The following IGSF21 variants were observed in gnomAD, a reference collection of about 807,000 sequenced individuals.
The protein encoded by IGSF21 is immunoglobin superfamily member 21.
IGSF21 carries 28 observed loss-of-function variants against 46.8 expected under a neutral mutation model. That is an observed-to-expected ratio of 0.60 (90% CI 0.44 to 0.82). IGSF21 has a LOEUF of 0.82. Ranked by LOEUF, IGSF21 falls within the 40% of genes least tolerant of loss-of-function variation. The pLI is 0.00. For synonymous variants in IGSF21, 284 were observed against 273.6 expected (o/e 1.04, Z -0.38); for missense variants, 624 against 665.5 (o/e 0.94, Z 0.69).
At chr1:18,122,354 C>A (rs2124408765) in intron 1 of IGSF21, among the ~76,000 whole-genome samples, 1 of 151,640 alleles carries the variant, frequency 6.6e-6, no homozygotes, top group African/African-American at 2.4e-5. Flanking sequence ...CCATACCCGG[C>A]TAATTTTTGT....
chr1:18,238,744 A>G (rs2084696595), intron 2 of IGSF21, among the ~76,000 whole-genome samples: 1 of 152,158 alleles, frequency 6.6e-6, no homozygotes, highest in African/African-American at 2.4e-5. Flanking sequence ...CGGCATATCT[A>G]AGGATAACAC....
At chr1:18,168,549 A>C (rs981560291) in intron 1 of IGSF21, among the ~76,000 whole-genome samples, 1 of 152,126 alleles carries the variant, frequency 6.6e-6, no homozygotes, top group Non-Finnish European at 1.5e-5. Context: ...TGATGTTACC[A>C]CTGCTAGATG....
intron 1 of IGSF21, among the ~76,000 whole-genome samples, chr1:18,215,188 G>C (rs1291348796): frequency 6.6e-6 from 1 of 152,208 alleles, no homozygotes; most frequent in African/African-American, 2.4e-5. Context: ...AGATTTGGGT[G>C]GGGACACAGA....
chr1:18,359,549 T>C (rs148405483), intron 4 of IGSF21, among the ~76,000 whole-genome samples: 9 of 151,560 alleles, frequency 5.9e-5, no homozygotes, highest in African/African-American at 1.2e-4. Context: ...GTTCTAGGTG[T>C]CTGATCTCTG....
intron 2 of IGSF21, among the ~76,000 whole-genome samples, chr1:18,273,458 C>T (rs1227703491): frequency 2.1e-5 from 1 of 47,486 alleles, no homozygotes; most frequent in African/African-American, 1.0e-4. Context: ...TTCTTTCTTT[C>T]TCTCTCTTTC....
At chr1:18,208,942 G>T (rs2084362506) in intron 1 of IGSF21, among the ~76,000 whole-genome samples, 1 of 152,124 alleles carries the variant, frequency 6.6e-6, no homozygotes, top group Non-Finnish European at 1.5e-5. Flanking sequence ...CAGGATTCCA[G>T]GTATGTGGGC....
intron 1 of IGSF21, among the ~76,000 whole-genome samples, chr1:18,173,054 C>T (rs368419519): frequency 5.9e-5 from 9 of 152,140 alleles, no homozygotes; most frequent in East Asian, 1.9e-4. Context: ...TTTGGGAGGC[C>T]GAAGCAGGTG....
At chr1:18,331,418 T>C (rs2085712184) in intron 3 of IGSF21, among the ~76,000 whole-genome samples, 1 of 152,250 alleles carries the variant, frequency 6.6e-6, no homozygotes, top group Non-Finnish European at 1.5e-5. Context: ...TCCATCCAGG[T>C]TGCTGTGAAT....
At chr1:18,372,658 T>TGGA (rs2086238114) in intron 6 of IGSF21, among the ~76,000 whole-genome samples, 1 of 70,014 alleles carries the variant, frequency 1.4e-5, no homozygotes, top group African/African-American at 5.4e-5. Flanking sequence ...GGATGGATGT[T>TGGA]TGGATGGGTG....
intron 1 of IGSF21, among the ~76,000 whole-genome samples, chr1:18,128,772 G>A (rs965986087): frequency 2.0e-5 from 3 of 146,780 alleles, no homozygotes; most frequent in Non-Finnish European, 4.5e-5. Flanking sequence ...GTTAGCCACT[G>A]TCTCTTGCTC....
chr1:18,275,293 C>T (rs901492596), intron 2 of IGSF21, among the ~76,000 whole-genome samples: 1 of 152,168 alleles, frequency 6.6e-6, no homozygotes, highest in African/African-American at 2.4e-5. Flanking sequence ...GGGATCTAAG[C>T]TGGGGCTTGG....
chr1:18,233,564 T>C (rs889633631), intron 2 of IGSF21, among the ~76,000 whole-genome samples: 14 of 152,162 alleles, frequency 9.2e-5, no homozygotes, highest in Non-Finnish European at 1.0e-4. Context: ...TTAAATGAGA[T>C]AATGTCTGCA....
chr1:18,302,167 G>GTT (rs2085368714), intron 3 of IGSF21, among the ~76,000 whole-genome samples: 1 of 5,432 alleles, frequency 1.8e-4, no homozygotes, highest in Non-Finnish European at 3.2e-4. Context: ...AAAGCCCAAA[G>GTT]GTGCTCCAGG....
At chr1:18,222,387 T>C (rs567692285) in intron 1 of IGSF21, among the ~76,000 whole-genome samples, 9 of 152,310 alleles carry the variant, frequency 5.9e-5, no homozygotes, top group African/African-American at 2.2e-4. Context: ...TCTTTCAACC[T>C]CTACCTTGGA....
chr1:18,342,136 C>T (rs1283230315), intron 4 of IGSF21, among the ~76,000 whole-genome samples: 1 of 151,870 alleles, frequency 6.6e-6, no homozygotes, highest in Non-Finnish European at 1.5e-5. Context: ...CTCTGTCCCC[C>T]AGGCTGGAGT....
intron 1 of IGSF21, among the ~76,000 whole-genome samples, chr1:18,140,333 T>G (rs1467364057): frequency 6.6e-6 from 1 of 152,218 alleles, no homozygotes; most frequent in African/African-American, 2.4e-5. Context: ...GCTGGCTTAA[T>G]GCACCCAGTA....
intron 3 of IGSF21, among the ~76,000 whole-genome samples, chr1:18,295,800 C>T (rs571619597): frequency 1.1e-4 from 16 of 152,334 alleles, no homozygotes; most frequent in East Asian, 3.9e-4. Context: ...GGGGAGTTGA[C>T]GCCACCCCGG....
At chr1:18,300,609 G>A (rs1245508349) in intron 3 of IGSF21, among the ~76,000 whole-genome samples, 1 of 152,226 alleles carries the variant, frequency 6.6e-6, no homozygotes, top group Non-Finnish European at 1.5e-5. Flanking sequence ...ATAATAGCTG[G>A]CATGTGTGGT....
At chr1:18,241,995 G>A (rs949721924) in intron 2 of IGSF21, among the ~76,000 whole-genome samples, 1 of 152,208 alleles carries the variant, frequency 6.6e-6, no homozygotes, top group African/African-American at 2.4e-5. Context: ...CCGTGGGGGA[G>A]AGATGGAGAT....
Sources: gnomAD v4.1 joint callset for allele counts (sites outside exome capture counted in the v4.1 genomes callset) on GRCh38, gnomAD v4.1.1 for gene constraint, MANE v1.5 for transcripts, NCBI Gene and HGNC (gene_info 2026-07-23, HGNC 2026-07-21) for gene names.